The following ALK variants were observed in gnomAD, a reference collection of about 807,000 sequenced individuals.
The protein encoded by ALK is ALK receptor tyrosine kinase.
ALK carries 74 observed loss-of-function variants against 163.1 expected under a neutral mutation model. The ratio of observed to expected loss-of-function variants is 0.45; its 90% CI spans 0.38 to 0.55. The LOEUF (loss-of-function observed/expected upper bound fraction) is 0.55. Among genes scored for constraint, ALK ranks in the 20% least tolerant of loss-of-function variants. The probability of loss-of-function intolerance (pLI) is 0.00; values close to 1 mark genes in which losing one functional copy is unlikely to be tolerated. For missense variants in ALK, 2,063 were observed against 2,105.3 expected (o/e 0.98, Z 0.39); for synonymous variants, 960 against 843.2 (o/e 1.14, Z -2.40).
intron 23 of ALK, among the ~76,000 whole-genome samples, chr2:29,217,349 G>A (rs2148163304): frequency 6.8e-6 from 1 of 148,084 alleles, no homozygotes; most frequent in African/African-American, 2.5e-5. Flanking sequence ...AGCATGTGTT[G>A]TGCGTGTGTG....
chr2:29,669,409 T>C (rs1324462789), intron 3 of ALK, among the ~76,000 whole-genome samples: 2 of 152,100 alleles, frequency 1.3e-5, no homozygotes, highest in Admixed American at 1.3e-4. Flanking sequence ...GATATAAATA[T>C]AGCTGCTCCT....
chr2:29,304,919 T>G (rs1041479155), intron 8 of ALK, among the ~76,000 whole-genome samples: 1 of 152,168 alleles, frequency 6.6e-6, no homozygotes, highest in Non-Finnish European at 1.5e-5. Flanking sequence ...CAACCTGGGG[T>G]GCAAATTAGA....
chr2:29,422,826 A>G (rs1310859188), intron 4 of ALK, among the ~76,000 whole-genome samples: 1 of 151,944 alleles, frequency 6.6e-6, no homozygotes, highest in Non-Finnish European at 1.5e-5. Flanking sequence ...GAAATCTTTC[A>G]TCTTAAAAGC....
At chr2:29,398,253 G>T (rs565024870) in intron 4 of ALK, among the ~76,000 whole-genome samples, 5 of 152,282 alleles carry the variant, frequency 3.3e-5, no homozygotes, top group Non-Finnish European at 7.4e-5. Context: ...CAAACCCTCA[G>T]GATCATTTGA....
At chr2:29,631,111 A>C (rs1160533264) in intron 3 of ALK, among the ~76,000 whole-genome samples, 9 of 152,374 alleles carry the variant, frequency 5.9e-5, no homozygotes, top group Admixed American at 4.6e-4. Context: ...ACATGTTCAT[A>C]GTTATATATG....
At chr2:29,814,674 A>C (rs1664849661) in intron 1 of ALK, among the ~76,000 whole-genome samples, 1 of 151,412 alleles carries the variant, frequency 6.6e-6, no homozygotes, top group Non-Finnish European at 1.5e-5. Flanking sequence ...AAAAGAAAAA[A>C]AAAGACTGTC....
At chr2:29,826,438 C>A (rs553150481) in intron 1 of ALK, among the ~76,000 whole-genome samples, 7 of 150,156 alleles carry the variant, frequency 4.7e-5, no homozygotes, top group Admixed American at 4.0e-4. Flanking sequence ...GACAGCATCA[C>A]CAGTTGATTT....
chr2:29,511,026 G>A (rs1308626283), intron 4 of ALK, among the ~76,000 whole-genome samples: 1 of 152,030 alleles, frequency 6.6e-6, no homozygotes, highest in Non-Finnish European at 1.5e-5. Context: ...CAATGCACTT[G>A]TCTGTACATA....
Position 29,421,043 on chromosome 2 carries a change from C to T in ALK, c.1155-37184G>A, listed in dbSNP as rs1024759957. Among the ~76,000 whole-genome samples, 39 of 151,528 alleles carry T rather than the reference C, an allele frequency of 2.6e-4. 2 individuals carry two copies. Among genetic ancestry groups the T allele is most frequent in the African/African-American group, 8.8e-4 (36 of 40,822 alleles). Reference sequence around the variant, plus strand: ...TCTCTGTCTCCATGCCATCATTCCACGTTCATCCCAGGGCAGCTGTGGCGA... The same window carrying T: ...TCTCTGTCTCCATGCCATCATTCCATGTTCATCCCAGGGCAGCTGTGGCGA... On this transcript the variant is annotated intron_variant, in intron 4 of 28. Transcript: ENST00000389048.
At chr2:29,697,183 G>C (rs1220991764) in intron 2 of ALK, among the ~76,000 whole-genome samples, 1 of 152,112 alleles carries the variant, frequency 6.6e-6, no homozygotes, top group African/African-American at 2.4e-5. Context: ...GATTGATAAG[G>C]GAAAGGCCAT....
chr2:29,631,722 G>A (rs532965647), intron 3 of ALK, among the ~76,000 whole-genome samples: 93 of 152,372 alleles, frequency 6.1e-4, no homozygotes, highest in African/African-American at 2.0e-3. Flanking sequence ...GATTTGCACT[G>A]AACTTCACAG....
intron 5 of ALK, among the ~76,000 whole-genome samples, chr2:29,331,811 C>A (rs182612832): frequency 6.6e-6 from 1 of 152,242 alleles, no homozygotes; most frequent in African/African-American, 2.4e-5. Flanking sequence ...ATGGGGAAGG[C>A]CAGTGTCCTC....
intron 3 of ALK, among the ~76,000 whole-genome samples, chr2:29,693,248 T>C (rs1419348753): frequency 6.6e-6 from 1 of 152,178 alleles, no homozygotes; most frequent in African/African-American, 2.4e-5. Flanking sequence ...TTATATCCAC[T>C]TTTTGCTAAA....
intron 19 of ALK, chr2:29,224,754 T>C (rs1456600616): frequency 1.4e-5 from 3 of 216,828 alleles, no homozygotes; most frequent in African/African-American, 6.8e-5. Context: ...GCTCCTATTA[T>C]CCTGTCCCTT....
chr2:29,759,806 A>G (rs546515254), intron 1 of ALK, among the ~76,000 whole-genome samples: 1 of 152,294 alleles, frequency 6.6e-6, no homozygotes, highest in African/African-American at 2.4e-5. Context: ...ACTGCTTCCA[A>G]CGTCGAAAGC....
chr2:29,487,464 A>G (rs767343315), intron 4 of ALK, among the ~76,000 whole-genome samples: 3 of 152,198 alleles, frequency 2.0e-5, no homozygotes, highest in Non-Finnish European at 4.4e-5. Context: ...CAACTTTGAT[A>G]TCAAAAAAGG....
chr2:29,375,800 G>T (rs540707071), intron 5 of ALK, among the ~76,000 whole-genome samples: 1 of 152,168 alleles, frequency 6.6e-6, no homozygotes, highest in Non-Finnish European at 1.5e-5. Flanking sequence ...TCTGAGAAAG[G>T]AATGTTGGAA....
At chr2:29,838,991 T>C (rs1208719033) in intron 1 of ALK, among the ~76,000 whole-genome samples, 10 of 152,172 alleles carry the variant, frequency 6.6e-5, no homozygotes, top group Non-Finnish European at 1.2e-4. Flanking sequence ...TAATATACTT[T>C]AATGTTTTAA....
At chr2:29,276,848 C>T (rs959206405) in intron 9 of ALK, among the ~76,000 whole-genome samples, 11 of 152,218 alleles carry the variant, frequency 7.2e-5, no homozygotes, top group South Asian at 2.1e-4. Flanking sequence ...CAGGATTGAC[C>T]GCAGACTAGC....
Sources: allele counts gnomAD v4.1 joint callset (sites outside exome capture counted in the v4.1 genomes callset), GRCh38; gene constraint gnomAD v4.1.1; transcripts MANE v1.5; gene names NCBI Gene and HGNC (gene_info 2026-07-23, HGNC 2026-07-21).